GPSM2: variants seen among roughly 807,000 people sequenced by gnomAD.
The protein encoded by GPSM2 is G protein signaling modulator 2, also known as G protein-signaling modulator 2.
In GPSM2, 58 loss-of-function variants were observed where a neutral mutation model predicts 78.4. That is an observed-to-expected ratio of 0.74 (90% confidence interval 0.60 to 0.92). The LOEUF is 0.92. Ranked by LOEUF, GPSM2 falls within the 40% of genes least tolerant of loss-of-function variation. The pLI, the probability that GPSM2 is intolerant of heterozygous loss-of-function variation, is 0.00. For missense variants in GPSM2, 700 were observed against 815.5 expected (o/e 0.86, Z 1.73); for synonymous variants, 224 against 280.2 (o/e 0.80, Z 2.00).
intron 12 of GPSM2, among the ~76,000 whole-genome samples, chr1:108,921,599 T>C (rs975808847): frequency 2.0e-5 from 3 of 152,312 alleles, no homozygotes; most frequent in Non-Finnish European, 4.4e-5. Context: ...TTTGTTAGTA[T>C]TGAATACAAA....
rs947331461 is a variant in GPSM2 at position 108,881,878 on chromosome 1, TAAG to T, written c.-248-3396_-248-3394del. On this transcript the variant is annotated intron_variant, in intron 1 of 14. Transcript: ENST00000264126. ...ATGTAAATGCTACATGTTTACATCTTAAGGAGTATGAAATTAACATTTTATAAT... is the reference window on the plus strand; with the variant it reads ...ATGTAAATGCTACATGTTTACATCTTGAGTATGAAATTAACATTTTATAAT... Among the ~76,000 whole-genome samples the T allele has an allele frequency of 7.9e-5, 12 of 152,368 alleles. No individual in the cohort carries two copies. In the South Asian group the frequency reaches 8.3e-4, roughly 11 times the overall value.
chr1:108,888,629 C>T (rs149523681), intron 2 of GPSM2, among the ~76,000 whole-genome samples: 65 of 152,294 alleles, frequency 4.3e-4, no homozygotes, highest in African/African-American at 1.4e-3. Context: ...AATGAGCTGC[C>T]GTGCCCAGCT....
At chr1:108,924,328 G>C in intron 14 of GPSM2, 114 bp downstream of exon 14, 1 of 754,002 alleles carries the variant, frequency 1.3e-6, no homozygotes. Flanking sequence ...AGTTATTATT[G>C]TCCATCATTC....
At chr1:108,922,332 AT>A in intron 12 of GPSM2, 84 bp from the exon 13 acceptor site, 1 of 970,494 alleles carries the variant, frequency 1.0e-6, no homozygotes. Flanking sequence ...TACCTTTTGC[AT>A]TTGAATGCAT....
intron 11 of GPSM2, 40 bp from the exon 12 acceptor site, chr1:108,918,571 TGG>T: frequency 7.1e-7 from 1 of 1,412,858 alleles, no homozygotes; most frequent in Non-Finnish European, 1.0e-6. Flanking sequence ...GCTGGGGATT[TGG>T]GGGTGTTTAT....
At chr1:108,886,105 G>A (rs896014507) in intron 2 of GPSM2, among the ~76,000 whole-genome samples, 1 of 151,788 alleles carries the variant, frequency 6.6e-6, no homozygotes, top group Non-Finnish European at 1.5e-5. Flanking sequence ...ATATTGCCCA[G>A]GCAAGTCTCA....
At chr1:108,916,781 T>A (rs1650265709) in intron 11 of GPSM2, among the ~76,000 whole-genome samples, 1 of 152,230 alleles carries the variant, frequency 6.6e-6, no homozygotes, top group Non-Finnish European at 1.5e-5. Flanking sequence ...ATTGGTTTCT[T>A]TTCCTCATAA....
At chr1:108,924,405 T>G (rs185780759) in intron 14 of GPSM2, 191 bp downstream of exon 14, 1 of 652,958 alleles carries the variant, frequency 1.5e-6, no homozygotes, top group Non-Finnish European at 2.8e-6. Context: ...CACACTTGAT[T>G]TTTAAAGGAT....
At chr1:108,925,658 G>A (rs1651065074) in intron 14 of GPSM2, among the ~76,000 whole-genome samples, 1 of 152,080 alleles carries the variant, frequency 6.6e-6, no homozygotes, top group Admixed American at 6.6e-5. Context: ...TTGATAACAT[G>A]GAGATTATGA....
At chr1:108,896,755 C>A in intron 2 of GPSM2, 109 bp from the exon 3 acceptor site, 1 of 844,274 alleles carries the variant, frequency 1.2e-6, no homozygotes, top group Non-Finnish European at 2.1e-6. Context: ...GTTATAGAGG[C>A]AGCTGCCCTG....
At chr1:108,886,037 A>T (rs6692517) in intron 2 of GPSM2, among the ~76,000 whole-genome samples, 2,930 of 150,638 alleles carry the variant, frequency 0.019, 109 homozygotes, top group African/African-American at 0.066. Context: ...CTTTTTTTGT[A>T]TATTTTTTAT....
chr1:108,903,853 G>A lies in GPSM2; in HGVS notation c.1063-272G>A, dbSNP rs535162103. 2.0e-5 allele frequency among the ~76,000 whole-genome samples: 3 copies of A among 152,214 alleles called. 1 individual carries two copies. Among genetic ancestry groups the A allele is most frequent in the African/African-American group, 7.2e-5 (3 of 41,550 alleles). ...TACTTAGTATGATTCCAGAGAACAA[G>A]AGCAATCTAATGTTTAGAGAACTAA... On this transcript the variant is annotated intron_variant, in intron 9 of 14. Transcript: ENST00000264126.
chr1:108,898,818 A>G, intron 6 of GPSM2, 53 bp downstream of exon 6: 1 of 1,606,662 alleles, frequency 6.2e-7, no homozygotes, highest in Admixed American at 1.7e-5. Context: ...AGTTCTGAAC[A>G]GTGATTAGAT....
intron 13 of GPSM2, 94 bp from the exon 14 acceptor site, chr1:108,923,906 G>A (rs1044707387): frequency 8.4e-5 from 77 of 914,826 alleles, no homozygotes; most frequent in Admixed American, 6.4e-4. Context: ...TGGCAAGGCC[G>A]AAAAGATCTA....
intron 2 of GPSM2, among the ~76,000 whole-genome samples, chr1:108,891,775 G>A (rs1647992354): frequency 6.6e-6 from 1 of 151,652 alleles, no homozygotes; most frequent in Non-Finnish European, 1.5e-5. Flanking sequence ...CAAGTGCTGG[G>A]ATTACAGGTA....
At chr1:108,896,726 G>A in intron 2 of GPSM2, 138 bp from the exon 3 acceptor site, 1 of 749,274 alleles carries the variant, frequency 1.3e-6, no homozygotes, top group East Asian at 2.4e-5. Context: ...TGTTTTATCA[G>A]GAATGTATAT....
Position 108,897,625 on chromosome 1 carries a change from A to G in GPSM2, c.412A>G (p.Lys138Glu), listed in dbSNP as rs1648472047. 1 of 1,612,784 alleles carries G rather than the reference A, an allele frequency of 6.2e-7. No homozygotes were observed. Among genetic ancestry groups the G allele is most frequent in the Non-Finnish European group, 8.5e-7 (1 of 1,178,856 alleles). ...HLDISRELND[K>E]VGEARALYNL... ...AGATATTTCCAGAGAGCTTAATGACAAGGTAATACCGCAGCATTAGATGGT... is the reference window on the plus strand; with the variant it reads ...AGATATTTCCAGAGAGCTTAATGACGAGGTAATACCGCAGCATTAGATGGT... The change falls in exon 4 of 15, where the codon AAG becomes GAG. Residue 138 changes from lysine (K) to glutamate (E), a missense_variant and splice_region_variant. By Grantham distance (56) the Lys-to-Glu change is moderately conservative. Transcript: ENST00000264126.
intron 2 of GPSM2, among the ~76,000 whole-genome samples, chr1:108,895,894 G>A (rs1648325271): frequency 6.6e-6 from 1 of 152,142 alleles, no homozygotes; most frequent in South Asian, 2.1e-4. Context: ...ATACATATAA[G>A]TATCGTATCA....
At chr1:108,917,183 A>G (rs1435222434) in intron 11 of GPSM2, among the ~76,000 whole-genome samples, 1 of 152,136 alleles carries the variant, frequency 6.6e-6, no homozygotes, top group African/African-American at 2.4e-5. Flanking sequence ...ACAATAGACC[A>G]CGAAATCCAC....
Sources: allele counts gnomAD v4.1 joint callset (sites outside exome capture counted in the v4.1 genomes callset), GRCh38; gene constraint gnomAD v4.1.1; transcripts MANE v1.5; gene names NCBI Gene and HGNC (gene_info 2026-07-23, HGNC 2026-07-21).